DTNA: variants seen among roughly 807,000 people sequenced by gnomAD.
DTNA encodes dystrobrevin alpha.
DTNA carries 43 observed loss-of-function variants against 100.7 expected under a neutral mutation model. That is an observed-to-expected ratio of 0.43 (90% confidence interval 0.33 to 0.55). The LOEUF is 0.55. Among genes scored for constraint, DTNA ranks in the 20% least tolerant of loss-of-function variants. DTNA has a pLI of 0.04. For synonymous variants in DTNA, 349 were observed against 347.9 expected (o/e 1.00, Z -0.04); for missense variants, 798 against 953.9 (o/e 0.84, Z 2.15).
intron 2 of DTNA, chr18:34,760,108 G>T (rs977336550): frequency 1.3e-5 from 2 of 152,144 alleles, no homozygotes; most frequent in East Asian, 1.9e-4. Flanking sequence ...TAAGAAAACC[G>T]ATCTCAAAAA....
At chr18:34,547,804 G>T (rs1426618882) in intron 1 of DTNA, among the ~76,000 whole-genome samples, 2 of 152,120 alleles carry the variant, frequency 1.3e-5, no homozygotes, top group African/African-American at 4.8e-5. Context: ...TTGTTTAGGA[G>T]AAGACTATTG....
intron 1 of DTNA, among the ~76,000 whole-genome samples, chr18:34,566,812 T>C (rs963228732): frequency 3.3e-5 from 5 of 152,328 alleles, no homozygotes. Context: ...TCCTGATCAG[T>C]AGTGTGAAAG....
At chr18:34,809,672 T>C (rs1356067061) in intron 5 of DTNA, among the ~76,000 whole-genome samples, 2 of 152,192 alleles carry the variant, frequency 1.3e-5, no homozygotes, top group Non-Finnish European at 2.9e-5. Context: ...TTGAGAGATA[T>C]TTAGCTCGTT....
chr18:34,618,239 T>C (rs1033497715), intron 1 of DTNA, among the ~76,000 whole-genome samples: 1 of 152,146 alleles, frequency 6.6e-6, no homozygotes, highest in African/African-American at 2.4e-5. Context: ...TGTCAACCAT[T>C]TTTGACATAT....
chr18:34,851,720 T>C, intron 14 of DTNA, 111 bp from the exon 15 acceptor site: 3 of 1,206,806 alleles, frequency 2.5e-6, no homozygotes. Context: ...TTTCTTTGTT[T>C]TGATAGAAAT....
intron 1 of DTNA, among the ~76,000 whole-genome samples, chr18:34,564,149 CT>C (rs879725183): frequency 5.1e-4 from 74 of 146,366 alleles, no homozygotes; most frequent in East Asian, 6.0e-4. Context: ...TCCGTACTTC[CT>C]TTTTTTTTTT....
chr18:34,730,236 A>G (rs1251459564), intron 1 of DTNA, among the ~76,000 whole-genome samples: 1 of 152,238 alleles, frequency 6.6e-6, no homozygotes, highest in Non-Finnish European at 1.5e-5. Context: ...CTGCTGGGTG[A>G]GGAATTTGTA....
In DTNA at chr18:34,875,391, T is replaced by A. The variant is rs774404741; in HGVS notation, c.1896T>A (p.Phe632Leu). 8.1e-6 allele frequency: 13 copies of A among 1,614,072 alleles called. No individual in the cohort carries two copies. In the Admixed American group the frequency reaches 2.2e-4, roughly 27 times the overall value. The change falls in exon 18 of 23, where the codon TTT becomes TTA. Residue 632 changes from phenylalanine (F) to leucine (L), a missense_variant. Physicochemically the swap from Phe to Leu is conservative, Grantham distance 22. Coordinates refer to ENST00000444659, the MANE Select transcript of DTNA (RefSeq NM_001386795.1). ...TAGGGGGAGATGTACAAGAGGCATTTGCACAAAGTAAGTGGCTTTATTTTT... is the reference window on the plus strand; with the variant it reads ...TAGGGGGAGATGTACAAGAGGCATTAGCACAAAGTAAGTGGCTTTATTTTT... ...TGVGGDVQEA[F>L]AQSSRRNLRN...
chr18:34,867,610 T>G (rs1373923113), intron 17 of DTNA: 1 of 1,011,402 alleles, frequency 9.9e-7, no homozygotes, highest in East Asian at 9.2e-5. Flanking sequence ...AATTATAACC[T>G]CCCTCCTCCT....
At chr18:34,655,457 T>C (rs1038633011) in intron 1 of DTNA, among the ~76,000 whole-genome samples, 4 of 152,164 alleles carry the variant, frequency 2.6e-5, no homozygotes, top group African/African-American at 9.7e-5. Context: ...AAGGCAAAAC[T>C]AAGCAGGTAT....
intron 17 of DTNA, among the ~76,000 whole-genome samples, chr18:34,864,983 G>A (rs1038542345): frequency 6.6e-6 from 1 of 152,156 alleles, no homozygotes; most frequent in Admixed American, 6.5e-5. Context: ...AAAGTCAAAA[G>A]CAGGCAAATT....
At chr18:34,697,679 G>A (rs1387889326) in intron 1 of DTNA, among the ~76,000 whole-genome samples, 2 of 152,168 alleles carry the variant, frequency 1.3e-5, no homozygotes, top group African/African-American at 2.4e-5. Flanking sequence ...TTGATTGTAT[G>A]AAATAGAGCG....
intron 1 of DTNA, among the ~76,000 whole-genome samples, chr18:34,507,050 A>C (rs2040562513): frequency 1.3e-5 from 2 of 152,194 alleles, no homozygotes; most frequent in Admixed American, 1.3e-4. Flanking sequence ...GTGAATCCTC[A>C]AGTGGTGTTG....
rs7237746 is a variant in DTNA at position 34,811,853 on chromosome 18, A to G, written c.449-106A>G. 2,322 of 1,302,560 alleles carry G rather than the reference A, an allele frequency of 1.8e-3. 33 individuals carry two copies. In the African/African-American group the frequency reaches 0.031, roughly 18 times the overall value. 80.7% of individuals were successfully genotyped at this position (1,302,560 alleles called of 1,614,324 possible). On this transcript the variant is annotated intron_variant, in intron 5 of 22. Transcript: ENST00000444659. ...AGCTTTTATATTATTCTTTCATAAAAAATGTTTATTTTGCTACTTTTTTGT... is the reference window on the plus strand; with the variant it reads ...AGCTTTTATATTATTCTTTCATAAAGAATGTTTATTTTGCTACTTTTTTGT...
At chr18:34,555,771 T>A (rs2045965432) in intron 1 of DTNA, among the ~76,000 whole-genome samples, 1 of 152,220 alleles carries the variant, frequency 6.6e-6, no homozygotes, top group Admixed American at 6.5e-5. Context: ...TCTTTTACAT[T>A]TGCTGAGGAG....
At chr18:34,848,231 G>C (rs1396025918) in intron 13 of DTNA, 65 bp from the exon 14 acceptor site, 2 of 1,519,020 alleles carry the variant, frequency 1.3e-6, no homozygotes, top group African/African-American at 2.7e-5. Flanking sequence ...ACTCCTTGTG[G>C]TAAAATGACT....
At chr18:34,581,560 C>T (rs1323808771) in intron 1 of DTNA, among the ~76,000 whole-genome samples, 1 of 150,488 alleles carries the variant, frequency 6.6e-6, no homozygotes, top group Non-Finnish European at 1.5e-5. Context: ...CACACAGTTA[C>T]TTTTAGAACA....
At chr18:34,729,169 C>T (rs2147245997) in intron 1 of DTNA, among the ~76,000 whole-genome samples, 1 of 152,306 alleles carries the variant, frequency 6.6e-6, no homozygotes, top group East Asian at 1.9e-4. Flanking sequence ...CTTATTCAGT[C>T]AGTCCTCGTG....
At chr18:34,859,641 G>A (rs906528181) in intron 16 of DTNA, among the ~76,000 whole-genome samples, 2 of 152,196 alleles carry the variant, frequency 1.3e-5, no homozygotes, top group Admixed American at 6.5e-5. Flanking sequence ...GGATCCTTTT[G>A]TTACTTGGGT....
Sources: gnomAD v4.1 joint callset for allele counts (sites outside exome capture counted in the v4.1 genomes callset) on GRCh38, gnomAD v4.1.1 for gene constraint, MANE v1.5 for transcripts, NCBI Gene and HGNC (gene_info 2026-07-23, HGNC 2026-07-21) for gene names.